The following FANCL variants were observed in gnomAD, a reference collection of about 807,000 sequenced individuals.
The protein encoded by FANCL is FA complementation group L.
Under a neutral mutation model 59.4 loss-of-function variants are expected in FANCL, and 69 were observed. The observed-to-expected ratio is 1.16, with a 90% CI of 0.96 to 1.42. The LOEUF (loss-of-function observed/expected upper bound fraction) is 1.42. FANCL is among the 40% of genes most tolerant of loss of function. The probability of loss-of-function intolerance (pLI) is 0.00; values close to 1 mark genes in which losing one functional copy is unlikely to be tolerated. For missense variants in FANCL, 519 were observed against 447.2 expected (o/e 1.16, Z -1.45); for synonymous variants, 180 against 147.1 (o/e 1.22, Z -1.62).
intron 5 of FANCL, among the ~76,000 whole-genome samples, chr2:58,211,076 T>C (rs1380833540): frequency 6.6e-6 from 1 of 152,208 alleles, no homozygotes; most frequent in Admixed American, 6.5e-5. Flanking sequence ...GTAGGGACTC[T>C]GTGTGGGGAC....
At chr2:58,173,006 C>G (rs545392838) in intron 7 of FANCL, among the ~76,000 whole-genome samples, 2 of 152,148 alleles carry the variant, frequency 1.3e-5, no homozygotes, top group Admixed American at 1.3e-4. Context: ...GCCTCAGGAG[C>G]CGATGCGATC....
chr2:58,193,896 C>T (rs1191207710), intron 7 of FANCL, among the ~76,000 whole-genome samples: 1 of 152,132 alleles, frequency 6.6e-6, no homozygotes, highest in South Asian at 2.1e-4. Context: ...TGTGACTTGT[C>T]TGAATAATAC....
chr2:58,169,626 A>C (rs891924333), intron 7 of FANCL, among the ~76,000 whole-genome samples: 1 of 152,114 alleles, frequency 6.6e-6, no homozygotes, highest in Non-Finnish European at 1.5e-5. Context: ...AGCATGTTCT[A>C]ACCCAATGCA....
intron 7 of FANCL, among the ~76,000 whole-genome samples, chr2:58,183,987 AC>A (rs1027787406): frequency 1.3e-5 from 2 of 151,970 alleles, no homozygotes; most frequent in African/African-American, 4.8e-5. Flanking sequence ...ACAAGAGACA[AC>A]TTCTAAGGTA....
chr2:58,176,095 G>A (rs1294743110), intron 7 of FANCL, among the ~76,000 whole-genome samples: 1 of 151,078 alleles, frequency 6.6e-6, no homozygotes, highest in Non-Finnish European at 1.5e-5. Context: ...CCTCTTCAAG[G>A]AGAACTACAA....
At chr2:58,206,634 T>C (rs1690613494) in intron 5 of FANCL, among the ~76,000 whole-genome samples, 1 of 152,166 alleles carries the variant, frequency 6.6e-6, no homozygotes, top group Non-Finnish European at 1.5e-5. Context: ...TTGTTTGTAA[T>C]CACATAACAT....
At chr2:58,188,172 T>C (rs573083133) in intron 7 of FANCL, among the ~76,000 whole-genome samples, 3 of 152,310 alleles carry the variant, frequency 2.0e-5, no homozygotes, top group African/African-American at 7.2e-5. Context: ...CTGTCCTTCC[T>C]CCACTAAACT....
intron 6 of FANCL, among the ~76,000 whole-genome samples, chr2:58,199,268 T>C (rs1467636505): frequency 7.2e-5 from 11 of 152,074 alleles, no homozygotes; most frequent in Admixed American, 5.2e-4. Flanking sequence ...ATTTGAGGAA[T>C]GAACCAAACT....
At chr2:58,195,393 A>T (rs1318369352) in intron 7 of FANCL, among the ~76,000 whole-genome samples, 1 of 152,140 alleles carries the variant, frequency 6.6e-6, no homozygotes, top group African/African-American at 2.4e-5. Context: ...TCAGCCCCCA[A>T]CCCGCACAAA....
chr2:58,180,981 C>T (rs1399364483), intron 7 of FANCL, among the ~76,000 whole-genome samples: 2 of 152,126 alleles, frequency 1.3e-5, no homozygotes, highest in Non-Finnish European at 2.9e-5. Flanking sequence ...ATGTAAATGG[C>T]ACAACTGTTT....
chr2:58,217,569 A>ATCT (rs1317426884), intron 5 of FANCL, among the ~76,000 whole-genome samples: 2 of 152,064 alleles, frequency 1.3e-5, no homozygotes, highest in African/African-American at 4.8e-5. Context: ...CAAAGTAGAC[A>ATCT]TTAAGACAAG....
intron 7 of FANCL, among the ~76,000 whole-genome samples, chr2:58,189,201 A>G (rs1688691811): frequency 6.6e-6 from 1 of 152,168 alleles, no homozygotes; most frequent in South Asian, 2.1e-4. Flanking sequence ...TAATGTGTGT[A>G]GATATTTGTC....
chr2:58,221,875 C>G, intron 5 of FANCL, 67 bp downstream of exon 5: 1 of 1,157,954 alleles, frequency 8.6e-7, no homozygotes, highest in Non-Finnish European at 1.3e-6. Context: ...ACTGCTAAAA[C>G]TAGAAATACA....
chr2:58,216,677 A>G (rs568722984), intron 5 of FANCL, among the ~76,000 whole-genome samples: 1 of 152,310 alleles, frequency 6.6e-6, no homozygotes, highest in Non-Finnish European at 1.5e-5. Flanking sequence ...CCAAAATATA[A>G]GATCATATGA....
At position 58,219,382 on chromosome 2, in the gene FANCL, TGA is replaced by T. The variant is rs142738380; in HGVS notation, c.374+2558_374+2559del. On this transcript the variant is annotated intron_variant, in intron 5 of 13. Coordinates refer to ENST00000233741, the MANE Select transcript of FANCL (RefSeq NM_018062.4). Reference sequence around the variant, plus strand: ...ATAAATGACTGAAAAAACAAATAAATGAGAGGGAACAAAATCTGAGCAGAAAA... The same window carrying T: ...ATAAATGACTGAAAAAACAAATAAATGAGGGAACAAAATCTGAGCAGAAAA... Among the ~76,000 whole-genome samples the T allele has an allele frequency of 6.1e-3, 920 of 151,044 alleles. 11 individuals are homozygous for T. Among genetic ancestry groups the T allele is most frequent in the African/African-American group, 0.021 (883 of 41,096 alleles).
intron 7 of FANCL, among the ~76,000 whole-genome samples, chr2:58,191,986 T>A (rs151281379): frequency 0.013 from 1,910 of 152,042 alleles, 31 homozygotes; most frequent in South Asian, 0.034. Flanking sequence ...CAGAATTTGA[T>A]CCAGACTTTA....
intron 7 of FANCL, among the ~76,000 whole-genome samples, chr2:58,166,724 C>G (rs552407158): frequency 1.1e-4 from 16 of 152,266 alleles, no homozygotes; most frequent in Admixed American, 3.3e-4. Flanking sequence ...AAATAACTGG[C>G]CACACCAATA....
intron 6 of FANCL, among the ~76,000 whole-genome samples, chr2:58,203,581 T>C (rs919621965): frequency 1.3e-5 from 2 of 152,024 alleles, no homozygotes; most frequent in African/African-American, 2.4e-5. Context: ...ATAAAATTTG[T>C]GATTATAGAT....
intron 7 of FANCL, among the ~76,000 whole-genome samples, chr2:58,170,128 G>C (rs1308295735): frequency 6.6e-6 from 1 of 152,156 alleles, no homozygotes; most frequent in African/African-American, 2.4e-5. Context: ...GTTAAGGGCA[G>C]CCAGAGACAA....
Sources: allele counts gnomAD v4.1 joint callset (sites outside exome capture counted in the v4.1 genomes callset), GRCh38; gene constraint gnomAD v4.1.1; transcripts MANE v1.5; gene names NCBI Gene and HGNC (gene_info 2026-07-23, HGNC 2026-07-21).